The following TASP1 variants were observed in gnomAD, a reference collection of about 807,000 sequenced individuals.
TASP1 encodes the protein threonine aspartase 1.
In TASP1, 16 loss-of-function variants were observed where a neutral mutation model predicts 56.6. That is an observed-to-expected ratio of 0.28 (90% CI 0.19 to 0.43). The LOEUF is 0.43. Among genes scored for constraint, TASP1 ranks in the 20% least tolerant of loss-of-function variants. The probability of loss-of-function intolerance (pLI) is 1.00; values close to 1 mark genes in which losing one functional copy is unlikely to be tolerated. For synonymous variants in TASP1, 179 were observed against 184.2 expected (o/e 0.97, Z 0.23); for missense variants, 393 against 511.6 (o/e 0.77, Z 2.24).
chr20:13,435,207 T>C, intron 11 of TASP1, 53 bp from the exon 12 acceptor site: 1 of 1,332,522 alleles, frequency 7.5e-7, no homozygotes, highest in Non-Finnish European at 1.0e-6. Context: ...TTTTTAAATT[T>C]TCAATTTTCA....
At chr20:13,136,178 T>C in the TASP1 span, among the ~76,000 whole-genome samples, 1 of 151,998 alleles carries the variant, frequency 6.6e-6, no homozygotes, top group South Asian at 2.1e-4. Flanking sequence ...AGTTTCTGGG[T>C]GGTAAGGCAG....
At chr20:13,396,895 A>G (rs55940819) in intron 13 of TASP1, among the ~76,000 whole-genome samples, 16,877 of 152,234 alleles carry the variant, frequency 0.11, 2,075 homozygotes, top group African/African-American at 0.31. Context: ...CTCACATACA[A>G]ATATCATGTC....
At chr20:13,159,970 C>CTTT in the TASP1 span, 5 of 1,163,850 alleles carry the variant, frequency 4.3e-6, no homozygotes, top group Non-Finnish European at 5.9e-6. Flanking sequence ...CAACTAACCA[C>CTTT]TTTTTTTTTT....
the TASP1 span, among the ~76,000 whole-genome samples, chr20:13,272,442 G>A: frequency 6.6e-6 from 1 of 152,230 alleles, no homozygotes; most frequent in African/African-American, 2.4e-5. Context: ...TTAGATCTGT[G>A]TGAAGATCCC....
the TASP1 span, among the ~76,000 whole-genome samples, chr20:13,370,000 G>A: frequency 4.6e-5 from 7 of 152,168 alleles, no homozygotes; most frequent in South Asian, 2.1e-4. Flanking sequence ...GGAACAGTAC[G>A]GTGGTGAGTT....
At chr20:13,334,400 C>T in the TASP1 span, among the ~76,000 whole-genome samples, 1 of 152,184 alleles carries the variant, frequency 6.6e-6, no homozygotes, top group Non-Finnish European at 1.5e-5. Flanking sequence ...AGTATAGAAA[C>T]TGTTGTACTA....
At chr20:13,549,212 A>T (rs573686857) in intron 8 of TASP1, among the ~76,000 whole-genome samples, 2 of 152,074 alleles carry the variant, frequency 1.3e-5, no homozygotes, top group South Asian at 4.2e-4. Flanking sequence ...ACCTTACCCT[A>T]TTCCCTCCAC....
chr20:13,358,013 C>T, the TASP1 span, among the ~76,000 whole-genome samples: 2 of 152,114 alleles, frequency 1.3e-5, no homozygotes, highest in East Asian at 3.9e-4. Flanking sequence ...GATGAAATTC[C>T]CCCACAAAAG....
At chr20:13,430,922 AAG>A (rs2042783600) in intron 12 of TASP1, among the ~76,000 whole-genome samples, 1 of 152,202 alleles carries the variant, frequency 6.6e-6, no homozygotes. Flanking sequence ...TGTATTTGTC[AAG>A]AGGAAAGTCT....
At chr20:13,364,192 G>A in the TASP1 span, among the ~76,000 whole-genome samples, 3 of 152,004 alleles carry the variant, frequency 2.0e-5, no homozygotes, top group Admixed American at 6.5e-5. Context: ...ACATTTTTCT[G>A]GTATATGGAT....
intron 4 of TASP1, among the ~76,000 whole-genome samples, chr20:13,621,090 T>G (rs1334508852): frequency 1.3e-5 from 2 of 152,174 alleles, no homozygotes; most frequent in East Asian, 3.8e-4. Flanking sequence ...GAAAAGTTAA[T>G]TGTTAGATAA....
chr20:13,207,738 C>G, the TASP1 span, among the ~76,000 whole-genome samples: 2 of 152,166 alleles, frequency 1.3e-5, no homozygotes, highest in African/African-American at 4.8e-5. Flanking sequence ...CTGTTTTACT[C>G]AGTCCACCAA....
chr20:13,448,945 G>A (rs1443305436), intron 11 of TASP1, among the ~76,000 whole-genome samples: 1 of 151,972 alleles, frequency 6.6e-6, no homozygotes, highest in Non-Finnish European at 1.5e-5. Flanking sequence ...CTTCGAGTGA[G>A]GTAAAAACAC....
intron 8 of TASP1, among the ~76,000 whole-genome samples, chr20:13,550,147 TACACACACAC>T (rs149572327): frequency 3.0e-5 from 4 of 135,398 alleles, no homozygotes; most frequent in East Asian, 4.3e-4. Context: ...TATATACACA[TACACACACAC>T]ACACACACAC....
chr20:13,231,753 G>C, the TASP1 span, among the ~76,000 whole-genome samples: 3 of 152,146 alleles, frequency 2.0e-5, no homozygotes, highest in Non-Finnish European at 4.4e-5. Context: ...GGAAGAGATA[G>C]TACTGCGAGG....
intron 12 of TASP1, among the ~76,000 whole-genome samples, chr20:13,421,982 C>T (rs1443515563): frequency 2.3e-5 from 3 of 128,832 alleles, no homozygotes; most frequent in South Asian, 4.5e-4. Flanking sequence ...GACAGAGTCT[C>T]GCTCTGTCAC....
chr20:13,615,803 G>T (rs1024524669), intron 4 of TASP1, among the ~76,000 whole-genome samples: 1 of 151,924 alleles, frequency 6.6e-6, no homozygotes. Flanking sequence ...GTGCCAGGCC[G>T]AGAATCTTAA....
intron 13 of TASP1, 25 bp downstream of exon 13, chr20:13,417,423 G>C: frequency 6.2e-7 from 1 of 1,613,544 alleles, no homozygotes; most frequent in East Asian, 2.2e-5. Flanking sequence ...AGGTTTTCAG[G>C]TTATGACCGT....
the TASP1 span, among the ~76,000 whole-genome samples, chr20:13,358,378 T>C: frequency 6.6e-6 from 1 of 152,184 alleles, no homozygotes; most frequent in Non-Finnish European, 1.5e-5. Flanking sequence ...GGGAGATCAA[T>C]CCCCCGTCCT....
Sources: gnomAD v4.1 joint callset for allele counts (sites outside exome capture counted in the v4.1 genomes callset) on GRCh38, gnomAD v4.1.1 for gene constraint, MANE v1.5 for transcripts, NCBI Gene and HGNC (gene_info 2026-07-23, HGNC 2026-07-21) for gene names.